Variants in PHF2 observed in about 807,000 individuals in gnomAD.
PHF2 encodes lysine-specific demethylase PHF2.
Under a neutral mutation model 120.5 loss-of-function variants are expected in PHF2, and 27 were observed. The observed-to-expected ratio is 0.22, with a 90% confidence interval of 0.17 to 0.31. PHF2 has a LOEUF of 0.31. PHF2 is among the 10% of genes least tolerant of loss of function. The probability of loss-of-function intolerance (pLI) is 1.00; values close to 1 mark genes in which losing one functional copy is unlikely to be tolerated. For missense variants in PHF2, 1,024 were observed against 1,434.8 expected (o/e 0.71, Z 4.63); for synonymous variants, 568 against 592.5 (o/e 0.96, Z 0.60).
At chr9:93,577,187 C>T (rs1862838583) in intron 1 of PHF2, among the ~76,000 whole-genome samples, 1 of 150,550 alleles carries the variant, frequency 6.6e-6, no homozygotes, top group Admixed American at 6.6e-5. Context: ...CCGGGCCGGG[C>T]CGCCTGTCAG....
Position 93,676,849 on chromosome 9 carries a change from G to A in PHF2, c.3088G>A (p.Gly1030Ser). 1 of 1,564,082 alleles carries A rather than the reference G, an allele frequency of 6.4e-7. No homozygotes were observed. Among genetic ancestry groups the A allele is most frequent in the Non-Finnish European group, 8.7e-7 (1 of 1,154,144 alleles). ...GGCGGACCATGAGTACACAGCCGCT[G>A]GCACCTTCACCGGGGCCCAGGCTGG... ...SLADHEYTAA[G>S]TFTGAQAGRT... Residue 1030 changes from glycine to serine, a missense_variant, in exon 21 of 22, where the codon GGC (glycine) becomes AGC (serine). Gly to Ser is a moderately conservative substitution (Grantham distance 56). Around this residue, in one of 2 missense-constraint regions of PHF2, gnomAD observed 677 missense variants for 857.4 expected, o/e 0.79. Transcript: ENST00000359246.
At chr9:93,675,975 G>A (rs1445747372) in intron 20 of PHF2, among the ~76,000 whole-genome samples, 186 bp downstream of exon 20, 1 of 152,188 alleles carries the variant, frequency 6.6e-6, no homozygotes, top group Admixed American at 6.5e-5. Flanking sequence ...TTCCCCGTGT[G>A]GGGTCCGGGG....
In PHF2 at chr9:93,658,132, G is replaced by T. The variant is rs76256243; in HGVS notation, c.1148-13G>T. 5,375 of 1,593,832 alleles carry T rather than the reference G, an allele frequency of 3.4e-3. 107 individuals are homozygous for T. The African/African-American group carries it at 0.049, about 15-fold the overall frequency. On this transcript the variant is annotated splice_polypyrimidine_tract_variant and intron_variant, in intron 9 of 21. Coordinates refer to ENST00000359246, the MANE Select transcript of PHF2 (RefSeq NM_005392.4). The stretch of plus-strand genomic sequence containing the variant: ...CAGGCACCCACCCACCTCACCCAGT[G>T]TCTCCTTCCCAGGCTCTCACAAATC...
Position 93,677,774 on chromosome 9 carries a change from A to G in PHF2, c.*98A>G. The G allele has an allele frequency of 2.3e-6, 2 of 854,334 alleles. No individual in the cohort carries two copies. Among genetic ancestry groups the G allele is most frequent in the African/African-American group, 1.7e-5 (1 of 59,430 alleles). The allele number at this position is 854,334 out of a possible 1,614,324, so 52.9% of individuals were successfully genotyped here. A position where few individuals can be genotyped will look rare whatever the true frequency, so the allele number is the denominator to read the frequency against. ...AGGGTGCCGAGCTGCCTCACCAGGG[A>G]GGGCCTTGCCTCTTCCCGGCTGCCA... On this transcript the variant is annotated 3_prime_UTR_variant, in exon 22 of 22. Coordinates refer to ENST00000359246, the MANE Select transcript of PHF2 (RefSeq NM_005392.4). This position sits in a 1 kb window ranked among gnomAD's most constrained non-coding sequence, Gnocchi z 4.4.
intron 1 of PHF2, among the ~76,000 whole-genome samples, chr9:93,616,603 G>A (rs1587684310): frequency 7.5e-6 from 1 of 133,216 alleles, no homozygotes; most frequent in East Asian, 2.7e-4. Flanking sequence ...CCTCACCTCT[G>A]GGAGTGAAAG....
chr9:93,598,615 G>A (rs1825376497), intron 1 of PHF2, among the ~76,000 whole-genome samples: 1 of 152,108 alleles, frequency 6.6e-6, no homozygotes, highest in African/African-American at 2.4e-5. Context: ...CCTCCTAAGA[G>A]GTTGTTCGTG....
chr9:93,639,884 G>A (rs1331410948), intron 3 of PHF2, among the ~76,000 whole-genome samples: 1 of 152,242 alleles, frequency 6.6e-6, no homozygotes, highest in Admixed American at 6.5e-5. Flanking sequence ...GGAGTGGAGT[G>A]TCCACCTCTG....
chr9:93,616,313 C>G (rs1423130399), intron 1 of PHF2, among the ~76,000 whole-genome samples: 4 of 152,208 alleles, frequency 2.6e-5, no homozygotes, highest in Non-Finnish European at 4.4e-5. Flanking sequence ...ATGTGGAATT[C>G]TGGCCTGAAG....
intron 1 of PHF2, among the ~76,000 whole-genome samples, chr9:93,607,973 TGAGAGAGAGACGGAGGGAGATGA>T (rs1825571328): frequency 1.2e-5 from 1 of 82,572 alleles, no homozygotes; most frequent in African/African-American, 4.4e-5. Flanking sequence ...GGGAAAGAGA[TGAGAGAGAGACGGAGGGAGATGA>T]GAGAGAGAGA....
chr9:93,636,580 C>G (rs1198375295), intron 3 of PHF2, 55 bp downstream of exon 3: 8 of 1,222,168 alleles, frequency 6.5e-6, no homozygotes, highest in Non-Finnish European at 9.4e-6. Context: ...TGCACACTCT[C>G]TCCGTCCCTT....
At chr9:93,579,369 A>G (rs979097657) in intron 1 of PHF2, among the ~76,000 whole-genome samples, 3 of 152,212 alleles carry the variant, frequency 2.0e-5, no homozygotes, top group Admixed American at 1.3e-4. Flanking sequence ...CAAAAATGGT[A>G]CAGTTTCCCT....
chr9:93,667,126 C>A lies in PHF2; in HGVS notation c.2234C>A (p.Thr745Asn), dbSNP rs1826696937. ...DEGSLHIDTD[T>N]KPGRNARVKK... is the part of the protein sequence containing the mutation. ...GGTTCGCTGCACATCGACACAGACA[C>A]CAAGCCCGGCCGCAATGCCAGAGTC... Residue 745 changes from threonine to asparagine, a missense_variant, in exon 17 of 22, where the codon ACC (threonine) becomes AAC (asparagine). Physicochemically the swap from Thr to Asn is moderately conservative, Grantham distance 65. Around this residue, in one of 2 missense-constraint regions of PHF2, gnomAD observed 677 missense variants for 857.4 expected, o/e 0.79. Coordinates refer to ENST00000359246, the MANE Select transcript of PHF2 (RefSeq NM_005392.4). 2 of 1,613,300 alleles carry A rather than the reference C, an allele frequency of 1.2e-6. No homozygotes were observed. Among genetic ancestry groups the A allele is most frequent in the African/African-American group, 1.3e-5 (1 of 75,052 alleles).
In PHF2 at chr9:93,674,923, C is replaced by G. The variant is rs746984954; in HGVS notation, c.2627-4C>G. Reference sequence around the variant, plus strand: ...GGCCACGCCTTCCCTCTGCCTCCCTCTAGTTTACCCCTCACTGGAGTCAGA... The same window carrying G: ...GGCCACGCCTTCCCTCTGCCTCCCTGTAGTTTACCCCTCACTGGAGTCAGA... On this transcript the variant is annotated splice_polypyrimidine_tract_variant and splice_region_variant and intron_variant, in intron 18 of 21. Coordinates refer to ENST00000359246, the MANE Select transcript of PHF2 (RefSeq NM_005392.4). 3.1e-6 allele frequency: 5 copies of G among 1,611,952 alleles called. No homozygotes were observed. Among genetic ancestry groups the G allele is most frequent in the Non-Finnish European group, 4.2e-6 (5 of 1,178,368 alleles).
intron 1 of PHF2, among the ~76,000 whole-genome samples, chr9:93,581,518 A>C (rs1263089690): frequency 6.6e-6 from 1 of 152,170 alleles, no homozygotes; most frequent in African/African-American, 2.4e-5. Flanking sequence ...AAAGTTCTGG[A>C]GGAGGTGGGA....
chr9:93,620,747 T>C (rs12553995), intron 1 of PHF2, among the ~76,000 whole-genome samples: 9,646 of 152,346 alleles, frequency 0.063, 420 homozygotes, highest in Non-Finnish European at 0.09. Flanking sequence ...CTTATGCTCC[T>C]GGCTTTAGTG....
At chr9:93,586,555 G>A (rs1863048741) in intron 1 of PHF2, among the ~76,000 whole-genome samples, 1 of 152,250 alleles carries the variant, frequency 6.6e-6, no homozygotes, top group Admixed American at 6.5e-5. Flanking sequence ...CAGGCCGGAT[G>A]GGAACAGTCT....
chr9:93,672,373 TGTGA>T (rs1348378268), intron 17 of PHF2: 1 of 980,016 alleles, frequency 1.0e-6, no homozygotes, highest in Non-Finnish European at 1.2e-6. Context: ...TAGATGCAGG[TGTGA>T]GTGTGGGAGT....
intron 1 of PHF2, among the ~76,000 whole-genome samples, chr9:93,583,860 C>T (rs1451997141): frequency 7.7e-6 from 1 of 129,256 alleles, no homozygotes; most frequent in African/African-American, 2.9e-5. Context: ...CGGAGTTTTG[C>T]CCTTGTTGCC....
In PHF2 at chr9:93,676,906, T is replaced by C; in HGVS notation, c.3145T>C (p.Phe1049Leu). The change falls in exon 21 of 22, where the codon TTT becomes CTT. Residue 1049 changes from phenylalanine to leucine, a missense_variant. Physicochemically the swap from Phe to Leu is conservative, Grantham distance 22. Coordinates refer to ENST00000359246, the MANE Select transcript of PHF2 (RefSeq NM_005392.4). ...RTSQPMAPGV[F>L]LTQRRPSASS... is the part of the protein sequence containing the mutation. ...CTCCCAGCCCATGGCCCCTGGGGTCTTTCTCACACAGAGGCGGCCCTCCGC... is the reference window on the plus strand; with the variant it reads ...CTCCCAGCCCATGGCCCCTGGGGTCCTTCTCACACAGAGGCGGCCCTCCGC... 6.3e-7 allele frequency: 1 copy of C among 1,580,590 alleles called. No homozygotes were observed. The highest frequency in any genetic ancestry group is 8.6e-7 in the Non-Finnish European group (1 of 1,162,106).
Sources: allele counts gnomAD v4.1 joint callset (sites outside exome capture counted in the v4.1 genomes callset), GRCh38; gene constraint gnomAD v4.1.1; regional missense constraint gnomAD v4.1.1; non-coding constraint Gnocchi (gnomAD v3.1); transcripts MANE v1.5; gene names NCBI Gene and HGNC (gene_info 2026-07-23, HGNC 2026-07-21).